The following AIM2 variants were observed in gnomAD, a reference collection of about 807,000 sequenced individuals.
AIM2 encodes interferon-inducible protein AIM2.
AIM2 carries 30 observed loss-of-function variants against 27.7 expected under a neutral mutation model. The ratio of observed to expected loss-of-function variants is 1.08; its 90% CI spans 0.81 to 1.47. The LOEUF (loss-of-function observed/expected upper bound fraction) is 1.47. AIM2 is among the 40% of genes most tolerant of loss of function. AIM2 has a pLI of 0.00. For synonymous variants in AIM2, 141 were observed against 145.3 expected, an observed-to-expected ratio of 0.97 and a Z score of 0.21; for missense variants, 358 against 411.3, an observed-to-expected ratio of 0.87 and a Z score of 1.12.
chr1:159,069,823 G>A (rs925765318), intron 2 of AIM2, among the ~76,000 whole-genome samples: 2 of 152,124 alleles, frequency 1.3e-5, no homozygotes, highest in East Asian at 1.9e-4. Flanking sequence ...GATTACAGGC[G>A]TGAGCCACCG....
intron 1 of AIM2, among the ~76,000 whole-genome samples, chr1:159,089,073 A>C (rs1330078681): frequency 6.6e-6 from 1 of 152,182 alleles, no homozygotes; most frequent in Non-Finnish European, 1.5e-5. Context: ...TTCAAAGAAA[A>C]CACTGACGAA....
intron 1 of AIM2, among the ~76,000 whole-genome samples, chr1:159,084,810 CACACATACAG>C (rs1253522878): frequency 0.01 from 1,522 of 145,576 alleles, 11 homozygotes; most frequent in East Asian, 0.049. Flanking sequence ...CACACACACA[CACACATACAG>C]ACACACACAC....
intron 1 of AIM2, among the ~76,000 whole-genome samples, chr1:159,116,691 G>T (rs151300117): frequency 2.6e-5 from 4 of 152,086 alleles, no homozygotes; most frequent in Non-Finnish European, 5.9e-5. Context: ...TGTGGGGTAG[G>T]GGGAGGGAGG....
intron 1 of AIM2, among the ~76,000 whole-genome samples, chr1:159,093,633 T>C (rs549563378): frequency 2.2e-4 from 33 of 152,132 alleles, no homozygotes; most frequent in South Asian, 6.2e-4. Flanking sequence ...ACTGCAGTTA[T>C]GACATAATGA....
chr1:159,077,930 CAT>C (rs1158721498), upstream of AIM2, among the ~76,000 whole-genome samples: 2 of 152,194 alleles, frequency 1.3e-5, no homozygotes, highest in Non-Finnish European at 2.9e-5. Context: ...TGAAAACAGA[CAT>C]GTGATTTAAT....
At chr1:159,108,353 A>G (rs903527771) in intron 1 of AIM2, among the ~76,000 whole-genome samples, 1 of 152,172 alleles carries the variant, frequency 6.6e-6, no homozygotes, top group Non-Finnish European at 1.5e-5. Context: ...ATCCCTTTAT[A>G]ATTAAAACTT....
chr1:159,131,537 C>T (rs1246580059), intron 1 of AIM2, among the ~76,000 whole-genome samples: 1 of 152,062 alleles, frequency 6.6e-6, no homozygotes, highest in South Asian at 2.1e-4. Flanking sequence ...ATGCAAGGAT[C>T]TTAGAGGAAA....
downstream of AIM2, among the ~76,000 whole-genome samples, chr1:159,058,181 C>T (rs1655717321): frequency 6.6e-6 from 1 of 152,036 alleles, no homozygotes; most frequent in Non-Finnish European, 1.5e-5. Flanking sequence ...TGGTGAAACT[C>T]CATCTCTACA....
At chr1:159,070,092 A>T (rs763823008) in intron 2 of AIM2, among the ~76,000 whole-genome samples, 3 of 152,070 alleles carry the variant, frequency 2.0e-5, no homozygotes, top group Admixed American at 6.5e-5. Flanking sequence ...ACCAACACCA[A>T]CTCTAACTCC....
intron 1 of AIM2, among the ~76,000 whole-genome samples, chr1:159,139,201 T>G (rs1648066768): frequency 6.6e-6 from 1 of 152,204 alleles, no homozygotes; most frequent in African/African-American, 2.4e-5. Context: ...CCTACTTGGC[T>G]GAGATAAAGT....
chr1:159,141,459 T>G (rs1648108091), upstream of AIM2, among the ~76,000 whole-genome samples: 1 of 152,012 alleles, frequency 6.6e-6, no homozygotes, highest in South Asian at 2.1e-4. Context: ...ACAGAAAGAA[T>G]GAAGAGGGAG....
upstream of AIM2, among the ~76,000 whole-genome samples, chr1:159,077,684 C>T (rs974193378): frequency 2.6e-5 from 4 of 152,116 alleles, no homozygotes; most frequent in Non-Finnish European, 4.4e-5. Context: ...TGCCTCATTC[C>T]CTCACTGACT....
At chr1:159,107,331 T>C (rs12047287) in intron 1 of AIM2, among the ~76,000 whole-genome samples, 22,247 of 150,118 alleles carry the variant, frequency 0.15, 2,232 homozygotes, top group South Asian at 0.49. Context: ...TGTGTGTGTG[T>C]GCGCGCACTA....
chr1:159,093,197 A>G (rs1657087850), intron 1 of AIM2, among the ~76,000 whole-genome samples: 1 of 152,120 alleles, frequency 6.6e-6, no homozygotes, highest in Admixed American at 6.5e-5. Flanking sequence ...ACTTCATGAC[A>G]CTAATGGAAA....
intron 3 of AIM2, among the ~76,000 whole-genome samples, chr1:159,067,154 A>G (rs1656139874): frequency 1.3e-5 from 2 of 152,198 alleles, no homozygotes; most frequent in African/African-American, 2.4e-5. Flanking sequence ...TCCTAAACAG[A>G]TAAACAATCT....
chr1:159,110,370 G>T (rs1657539325), intron 1 of AIM2, among the ~76,000 whole-genome samples: 1 of 152,192 alleles, frequency 6.6e-6, no homozygotes, highest in Non-Finnish European at 1.5e-5. Flanking sequence ...AAAAATCTGA[G>T]CTATCACCAA....
intron 1 of AIM2, among the ~76,000 whole-genome samples, chr1:159,127,322 CG>C (rs1647719487): frequency 2.0e-5 from 3 of 152,218 alleles, no homozygotes; most frequent in African/African-American, 7.2e-5. Context: ...CAAATGTGCA[CG>C]GGGCCCTTAG....
intron 1 of AIM2, among the ~76,000 whole-genome samples, chr1:159,091,170 A>G (rs975896426): frequency 7.2e-5 from 11 of 152,242 alleles, no homozygotes; most frequent in Non-Finnish European, 1.5e-5. Context: ...ATAACTTTAA[A>G]CATTACTTAA....
intron 1 of AIM2, among the ~76,000 whole-genome samples, chr1:159,091,583 A>G (rs1236131401): frequency 6.6e-6 from 1 of 152,240 alleles, no homozygotes; most frequent in Non-Finnish European, 1.5e-5. Context: ...TGCAATCGTT[A>G]CATTATCCTG....
Sources: allele counts gnomAD v4.1 joint callset (sites outside exome capture counted in the v4.1 genomes callset), GRCh38; gene constraint gnomAD v4.1.1; transcripts MANE v1.5; gene names NCBI Gene and HGNC (gene_info 2026-07-23, HGNC 2026-07-21).